The following MBD5 variants were observed in gnomAD, a reference collection of about 807,000 sequenced individuals.
The protein encoded by MBD5 is methyl-CpG binding domain protein 5.
Under a neutral mutation model 117.3 loss-of-function variants are expected in MBD5, and 13 were observed. The observed-to-expected ratio is 0.11, with a 90% CI of 0.07 to 0.18. The LOEUF (loss-of-function observed/expected upper bound fraction) is 0.18, where lower values mean the gene tolerates loss of function less well. Among genes scored for constraint, MBD5 ranks in the 10% least tolerant of loss-of-function variants. The pLI is 1.00. For synonymous variants in MBD5, 727 were observed against 766.4 expected (o/e 0.95, Z 0.85); for missense variants, 1,879 against 2,093.8 (o/e 0.90, Z 2.00).
intron 4 of MBD5, among the ~76,000 whole-genome samples, chr2:148,359,694 A>C (rs147724599): frequency 5.7e-4 from 87 of 152,296 alleles, no homozygotes; most frequent in Non-Finnish European, 9.1e-4. Context: ...TGATAATAGG[A>C]ATAAACTCTT....
intron 3 of MBD5, among the ~76,000 whole-genome samples, 163 bp downstream of exon 3, chr2:148,233,558 A>G (rs1037312393): frequency 6.6e-6 from 1 of 152,234 alleles, no homozygotes; most frequent in Non-Finnish European, 1.5e-5. Context: ...TTTTAACACT[A>G]TAGCATGTCA....
chr2:148,165,583 G>A (rs1416844082), intron 1 of MBD5, among the ~76,000 whole-genome samples: 2 of 151,840 alleles, frequency 1.3e-5, no homozygotes, highest in Non-Finnish European at 1.5e-5. Context: ...GATTTTTCTG[G>A]AAAGTGAACC....
At chr2:148,102,240 C>T (rs1404197466) in intron 1 of MBD5, among the ~76,000 whole-genome samples, 2 of 152,120 alleles carry the variant, frequency 1.3e-5, no homozygotes, top group East Asian at 1.9e-4. Flanking sequence ...GACCTGAAAA[C>T]GGCTTTCCAA....
intron 4 of MBD5, among the ~76,000 whole-genome samples, chr2:148,434,201 T>G (rs1361318821): frequency 6.6e-6 from 1 of 152,028 alleles, no homozygotes; most frequent in Admixed American, 6.6e-5. Context: ...TTCTTTTGTA[T>G]TTCTGTGGTG....
chr2:148,196,855 G>GTGTT (rs1699002285), intron 2 of MBD5, among the ~76,000 whole-genome samples: 1 of 152,050 alleles, frequency 6.6e-6, no homozygotes, highest in Non-Finnish European at 1.5e-5. Flanking sequence ...GCACTGGTGT[G>GTGTT]TGTGTGTGTG....
intron 1 of MBD5, among the ~76,000 whole-genome samples, chr2:148,170,934 A>G (rs1421299884): frequency 2.0e-5 from 3 of 152,246 alleles, no homozygotes; most frequent in East Asian, 1.9e-4. Context: ...AAGACTGAAT[A>G]TGAAGAAACA....
At chr2:148,441,932 T>A (rs1425768810) in intron 4 of MBD5, among the ~76,000 whole-genome samples, 2 of 152,202 alleles carry the variant, frequency 1.3e-5, no homozygotes, top group East Asian at 3.8e-4. Context: ...TCATATCCTT[T>A]GCCCACTTGT....
intron 3 of MBD5, among the ~76,000 whole-genome samples, chr2:148,280,197 A>G (rs1228742346): frequency 6.6e-6 from 1 of 151,620 alleles, no homozygotes; most frequent in Non-Finnish European, 1.5e-5. Flanking sequence ...TTTAATACAT[A>G]TGTGGACTAT....
chr2:148,131,231 G>C (rs763209414), intron 1 of MBD5, among the ~76,000 whole-genome samples: 4 of 151,942 alleles, frequency 2.6e-5, no homozygotes, highest in African/African-American at 4.8e-5. Flanking sequence ...TTGTTTGTTT[G>C]CTTTGTTTTT....
At chr2:148,316,737 T>C (rs930008241) in intron 3 of MBD5, among the ~76,000 whole-genome samples, 1 of 152,080 alleles carries the variant, frequency 6.6e-6, no homozygotes, top group African/African-American at 2.4e-5. Context: ...AAGTTGATGG[T>C]TAATAATAAA....
At chr2:148,348,312 G>A (rs577831604) in intron 4 of MBD5, among the ~76,000 whole-genome samples, 1 of 152,050 alleles carries the variant, frequency 6.6e-6, no homozygotes, top group African/African-American at 2.4e-5. Flanking sequence ...GTACAAATCA[G>A]CAAGGACAAT....
chr2:148,057,886 G>A (rs1041760055), intron 1 of MBD5, among the ~76,000 whole-genome samples: 1 of 151,872 alleles, frequency 6.6e-6, no homozygotes, highest in African/African-American at 2.4e-5. Flanking sequence ...TTGCTGCTTT[G>A]TAATTTGTTT....
At chr2:148,115,845 A>G (rs1005667613) in intron 1 of MBD5, among the ~76,000 whole-genome samples, 1 of 151,888 alleles carries the variant, frequency 6.6e-6, no homozygotes, top group African/African-American at 2.4e-5. Flanking sequence ...TTTATTTTTT[A>G]CATTTATTCA....
rs751675547 is a variant in MBD5 at position 148,458,513 on chromosome 2, T to A, written c.-246T>A. On this transcript the variant is annotated 5_prime_UTR_variant, in exon 5 of 14. The change abolishes an upstream ATG in the 5' untranslated region. Transcript: ENST00000642680. The stretch of plus-strand genomic sequence containing the variant: ...AGTCAGAAGCACTCATTTTTACCCA[T>A]GTAGACCATCCTTAGGAATTAAATA... 10 of 599,100 alleles carry A rather than the reference T, an allele frequency of 1.7e-5. No homozygotes were observed. Among genetic ancestry groups the A allele is most frequent in the Non-Finnish European group, 3.0e-5 (10 of 336,666 alleles). The allele number at this position is 599,100 out of a possible 1,614,324, so 37.1% of individuals were successfully genotyped here.
chr2:148,220,398 A>G (rs1279613214), intron 2 of MBD5, among the ~76,000 whole-genome samples: 1 of 152,138 alleles, frequency 6.6e-6, no homozygotes, highest in Non-Finnish European at 1.5e-5. Flanking sequence ...AGCAAAAACA[A>G]AACAAATCTT....
At chr2:148,435,428 C>T (rs941963283) in intron 4 of MBD5, among the ~76,000 whole-genome samples, 2 of 152,094 alleles carry the variant, frequency 1.3e-5, no homozygotes, top group African/African-American at 4.8e-5. Flanking sequence ...TCTTATAAGG[C>T]AGGTCTGGTA....
intron 4 of MBD5, among the ~76,000 whole-genome samples, chr2:148,424,200 A>AC (rs1705704513): frequency 1.2e-5 from 1 of 84,074 alleles, no homozygotes; most frequent in African/African-American, 6.5e-5. Flanking sequence ...AAAAAAAAAA[A>AC]AAAAAAAAAA....
At chr2:148,442,343 A>C (rs67201811) in intron 4 of MBD5, among the ~76,000 whole-genome samples, 1 of 150,758 alleles carries the variant, frequency 6.6e-6, no homozygotes, top group African/African-American at 2.5e-5. Context: ...GCTATGGGGG[A>C]AAAAGTGACA....
chr2:148,336,384 T>C, intron 3 of MBD5, among the ~76,000 whole-genome samples: 1 of 152,100 alleles, frequency 6.6e-6, no homozygotes, highest in East Asian at 1.9e-4. Flanking sequence ...CCTTCTACTC[T>C]TCTTTTCTTT....
Sources: gnomAD v4.1 joint callset for allele counts (sites outside exome capture counted in the v4.1 genomes callset) on GRCh38, gnomAD v4.1.1 for gene constraint, MANE v1.5 for transcripts, NCBI Gene and HGNC (gene_info 2026-07-23, HGNC 2026-07-21) for gene names.